The following C22orf42 variants were observed in gnomAD, a reference collection of about 807,000 sequenced individuals.
C22orf42 encodes the protein chromosome 22 open reading frame 42.
In C22orf42, 24 loss-of-function variants were observed where a neutral mutation model predicts 31.4. The ratio of observed to expected loss-of-function variants is 0.77; its 90% CI spans 0.55 to 1.08. The LOEUF is 1.08. Among genes scored for constraint, C22orf42 ranks in the 50% least tolerant of loss-of-function variants. C22orf42 has a pLI of 0.00. For synonymous variants in C22orf42, 96 were observed against 112.7 expected, an observed-to-expected ratio of 0.85 and a Z score of 0.94; for missense variants, 276 against 327.3, an observed-to-expected ratio of 0.84 and a Z score of 1.21.
intron 7 of C22orf42, among the ~76,000 whole-genome samples, chr22:32,150,084 C>T (rs917168047): frequency 6.6e-6 from 1 of 152,162 alleles, no homozygotes; most frequent in African/African-American, 2.4e-5. Context: ...TACTGTCATC[C>T]AGCAGGACTC....
At chr22:32,151,951 A>G (rs2149511737) in intron 4 of C22orf42, 116 bp downstream of exon 4, 2 of 1,033,436 alleles carry the variant, frequency 1.9e-6, no homozygotes, top group Middle Eastern at 2.1e-4. Context: ...AGATTGTAAA[A>G]TGGTTGCACA....
intron 1 of C22orf42, among the ~76,000 whole-genome samples, chr22:32,157,527 T>C (rs1921329359): frequency 6.6e-6 from 1 of 152,200 alleles, no homozygotes; most frequent in South Asian, 2.1e-4. Context: ...GAAATTCCTC[T>C]CTGGAAGCCC....
In C22orf42 at chr22:32,154,254, T is replaced by C; in HGVS notation, c.297A>G (p.Leu99=). The change falls in exon 2 of 9, where the codon CTA becomes CTG. Residue 99 remains leucine (L), a synonymous_variant. Transcript: ENST00000382097. ...TAATTTCCACATTACCTATATTTTC[T>C]AGAGGCCAAATCCCGTGCCGTCTCC... The part of the protein sequence containing the change: ...IIWRRHGIWP[L]ENIGPTEDVQ... 1 of 1,608,868 alleles carries C rather than the reference T, an allele frequency of 6.2e-7. No homozygotes were observed. Among genetic ancestry groups the C allele is most frequent in the South Asian group, 1.1e-5 (1 of 89,538 alleles).
chr22:32,152,470 G>A (rs1921015684), intron 3 of C22orf42, 92 bp downstream of exon 3: 1 of 1,100,574 alleles, frequency 9.1e-7, no homozygotes, highest in African/African-American at 1.5e-5. Context: ...CCTGAATCAT[G>A]ATGGCAGTCA....
intron 1 of C22orf42, among the ~76,000 whole-genome samples, chr22:32,157,022 T>C (rs1253059451): frequency 6.6e-6 from 1 of 152,242 alleles, no homozygotes; most frequent in Non-Finnish European, 1.5e-5. Context: ...TTCCACTCAG[T>C]AGGAGAGACA....
At chr22:32,153,320 A>G (rs1037389059) in intron 2 of C22orf42, among the ~76,000 whole-genome samples, 1 of 152,244 alleles carries the variant, frequency 6.6e-6, no homozygotes, top group Non-Finnish European at 1.5e-5. Flanking sequence ...AGTAATGTTG[A>G]TAAACCTCTA....
rs556419904 is a variant in C22orf42 at position 32,150,373 on chromosome 22, T to A, written c.600A>T (p.Ser200=). 1.4e-5 allele frequency: 22 copies of A among 1,614,030 alleles called. No homozygotes were observed. The East Asian group carries it at 1.8e-4, about 13-fold the overall frequency. Residue 200 remains serine, a synonymous_variant, in exon 7 of 9, where the codon TCA becomes TCT. Transcript: ENST00000382097. ...AGACAGATAGGCTTTCACTGAGACC[T>A]GATGTCATGAAGTCTTCAAGAGAGA... ...LSVSLEDFMT[S]GLSESLSVSL... is the part of the protein sequence containing the mutation.
At chr22:32,158,902 G>A in intron 1 of C22orf42, 82 bp downstream of exon 1, 1 of 1,474,840 alleles carries the variant, frequency 6.8e-7, no homozygotes, top group Non-Finnish European at 9.4e-7. Flanking sequence ...GGATGTCTCT[G>A]AGGGTGAGGG....
chr22:32,150,214 G>A, intron 7 of C22orf42, 105 bp downstream of exon 7: 1 of 1,173,924 alleles, frequency 8.5e-7, no homozygotes, highest in Admixed American at 2.1e-5. Flanking sequence ...AATTGTATTT[G>A]TCTTCTATAA....
intron 1 of C22orf42, among the ~76,000 whole-genome samples, chr22:32,155,679 T>C (rs1047552006): frequency 1.3e-4 from 19 of 151,968 alleles, no homozygotes; most frequent in Admixed American, 7.2e-4. Flanking sequence ...TATATCATAG[T>C]ATATTTTTAT....
At chr22:32,159,335 A>C (rs1340905458), upstream of C22orf42, 4 of 1,462,714 alleles carry the variant, frequency 2.7e-6, no homozygotes, top group East Asian at 9.8e-5. Flanking sequence ...TTGCCTAGTA[A>C]CCACAAAACC....
Position 32,150,809 on chromosome 22 carries a change from A to G in C22orf42, c.493+183T>C, listed in dbSNP as rs557834431. 8.2e-5 allele frequency: 55 copies of G among 670,822 alleles called. No homozygotes were observed. In the East Asian group the frequency reaches 1.5e-3, roughly 18 times the overall value. 41.6% of individuals were successfully genotyped at this position (670,822 alleles called of 1,614,324 possible). A position where few individuals can be genotyped will look rare whatever the true frequency, so the allele number is the denominator to read the frequency against. On this transcript the variant is annotated intron_variant, in intron 6 of 8. Transcript: ENST00000382097. ...TCCAGGGGTGTGGGAGTTGGGAAAG[A>G]CAGAGGAGTGACTACTAGTGGGGTT... is the stretch of plus-strand genomic sequence containing the variant.
upstream of C22orf42, chr22:32,159,360 G>A (rs1207856236): frequency 7.0e-7 from 1 of 1,438,310 alleles, no homozygotes; most frequent in Non-Finnish European, 9.1e-7. Context: ...ATGTCACCTG[G>A]TTGCCAGGAA....
At position 32,149,320 on chromosome 22, in the gene C22orf42, G is replaced by A. The variant is rs1414702049; in HGVS notation, c.*220C>T. 1.3e-5 allele frequency: 5 copies of A among 391,140 alleles called. No individual in the cohort carries two copies. The highest frequency in any genetic ancestry group is 2.1e-5 in the Non-Finnish European group (5 of 240,606). The allele number at this position is 391,140 out of a possible 1,614,324, so 24.2% of individuals were successfully genotyped here. A position where few individuals can be genotyped will look rare whatever the true frequency, so the allele number is the denominator to read the frequency against. Reference sequence around the variant, plus strand: ...CCCAGGATGGGGCGGGTGTTCTTCTGCATGGTGACTGAGAATGTGAGCCTC... The same window carrying A: ...CCCAGGATGGGGCGGGTGTTCTTCTACATGGTGACTGAGAATGTGAGCCTC... On this transcript the variant is annotated 3_prime_UTR_variant, in exon 9 of 9. Coordinates refer to ENST00000382097, the MANE Select transcript of C22orf42 (RefSeq NM_001010859.3).
At position 32,149,663 on chromosome 22, in the gene C22orf42, A is replaced by G. The variant is rs1450026801; in HGVS notation, c.683-50T>C. 19 of 1,253,732 alleles carry G rather than the reference A, an allele frequency of 1.5e-5. 1 individual carries two copies. The highest frequency in any genetic ancestry group is 4.8e-5 in the South Asian group (2 of 41,306). 77.7% of individuals were successfully genotyped at this position (1,253,732 alleles called of 1,614,324 possible). ...TCTCAAAAAAAAAATATATATATAT[A>G]TATATCTACATATATGTATATCTAC... On this transcript the variant is annotated intron_variant, in intron 8 of 8. Transcript: ENST00000382097.
intron 3 of C22orf42, 51 bp downstream of exon 3, chr22:32,152,511 C>T: frequency 1.4e-6 from 2 of 1,478,872 alleles, no homozygotes; most frequent in East Asian, 2.3e-5. Context: ...TTCTAGAAGC[C>T]CCAGAAAAAA....
intron 2 of C22orf42, among the ~76,000 whole-genome samples, chr22:32,153,052 ATACATATTTATCATTTTAATTAT>A (rs1404859565): frequency 6.6e-6 from 1 of 152,236 alleles, no homozygotes; most frequent in Non-Finnish European, 1.5e-5. Flanking sequence ...GTAGTGAAGC[ATACATATTTATCATTTTAATTAT>A]TAAGTGTGCA....
rs550134999 is a variant in C22orf42, at chr22:32,151,117, G to A, written c.466-98C>T. On this transcript the variant is annotated intron_variant, in intron 5 of 8. Coordinates refer to ENST00000382097, the MANE Select transcript of C22orf42 (RefSeq NM_001010859.3). ...TATTCACCTGGTGAAATAAAAAACC[G>A]GATGTGAAACAGTGATCAAGTCACT... is the stretch of plus-strand genomic sequence containing the variant. 44 of 1,276,558 alleles carry A rather than the reference G, an allele frequency of 3.4e-5. No individual in the cohort carries two copies. The African/African-American group carries it at 4.5e-4, about 13-fold the overall frequency. 79.1% of individuals were successfully genotyped at this position (1,276,558 alleles called of 1,614,324 possible). A position where few individuals can be genotyped will look rare whatever the true frequency, so the allele number is the denominator to read the frequency against.
At chr22:32,159,426 C>T, upstream of C22orf42, 1 of 1,412,776 alleles carries the variant, frequency 7.1e-7, no homozygotes, top group South Asian at 1.5e-5. Flanking sequence ...CCACCAAATG[C>T]CTCACAATGC....
Sources: gnomAD v4.1 joint callset for allele counts (sites outside exome capture counted in the v4.1 genomes callset) on GRCh38, gnomAD v4.1.1 for gene constraint, MANE v1.5 for transcripts, NCBI Gene and HGNC (gene_info 2026-07-23, HGNC 2026-07-21) for gene names.